The following RNF123 variants were observed in gnomAD, a reference collection of about 807,000 sequenced individuals.
RNF123 encodes the protein ring finger protein 123, also known as E3 ubiquitin-protein ligase RNF123.
Under a neutral mutation model 168.5 loss-of-function variants are expected in RNF123, and 86 were observed. That is an observed-to-expected ratio of 0.51 (90% CI 0.43 to 0.61). RNF123 has a LOEUF of 0.61. Ranked by LOEUF, RNF123 falls within the 20% of genes least tolerant of loss-of-function variation. The pLI is 0.00. For missense variants in RNF123, 1,419 were observed against 1,729.7 expected, an observed-to-expected ratio of 0.82 and a Z score of 3.19; for synonymous variants, 666 against 689.1, an observed-to-expected ratio of 0.97 and a Z score of 0.52.
chr3:49,715,790 G>A (rs892666412), intron 32 of RNF123, 32 bp from the exon 33 acceptor site: 7 of 1,613,732 alleles, frequency 4.3e-6, no homozygotes, highest in Non-Finnish European at 5.9e-6. Context: ...GCCAGGTGCT[G>A]ACCACTGCAT....
At chr3:49,702,480 T>G in intron 19 of RNF123, 75 bp downstream of exon 19, 1 of 1,598,506 alleles carries the variant, frequency 6.3e-7, no homozygotes, top group Non-Finnish European at 8.6e-7. Flanking sequence ...CACCTGGCAC[T>G]TCTCGGACTG....
Position 49,705,574 on chromosome 3 carries a change from G to T in RNF123, c.2199G>T (p.Arg733=), listed in dbSNP as rs994266619. ...SHWNEGLLLG[R]PPEEPEQPLT... ...GGAATGAGGGCTTGCTGCTGGGGCGGCCCCCCGAGGAGCCTGAGCAGCCCC... is the reference window on the plus strand; with the variant it reads ...GGAATGAGGGCTTGCTGCTGGGGCGTCCCCCCGAGGAGCCTGAGCAGCCCC... The change falls in exon 24 of 39, where the codon CGG becomes CGT. Residue 733 remains arginine (R), a synonymous_variant. Coordinates refer to ENST00000327697, the MANE Select transcript of RNF123 (RefSeq NM_022064.5). 4 of 1,608,892 alleles carry T rather than the reference G, an allele frequency of 2.5e-6. No homozygotes were observed. In the African/African-American group the frequency reaches 4.0e-5, roughly 16 times the overall value.
At chr3:49,719,400 G>A in intron 35 of RNF123, 1 of 1,613,668 alleles carries the variant, frequency 6.2e-7, no homozygotes, top group Non-Finnish European at 8.5e-7. Flanking sequence ...AACCCTCGGA[G>A]TCCGGGGTGC....
chr3:49,718,271 G>A (rs2080293246), intron 35 of RNF123: 3 of 1,612,796 alleles, frequency 1.9e-6, no homozygotes, highest in South Asian at 2.2e-5. Flanking sequence ...AGGTAGAGCA[G>A]CACGAGCACA....
In RNF123 at chr3:49,716,429, C is replaced by A. The variant is rs1326129409; in HGVS notation, c.3452C>A (p.Ala1151Glu). 4.3e-6 allele frequency: 7 copies of A among 1,614,064 alleles called. No individual in the cohort carries two copies. Among genetic ancestry groups the A allele is most frequent in the Non-Finnish European group, 5.9e-6 (7 of 1,179,996 alleles). The change falls in exon 35 of 39, where the codon GCA becomes GAA. Residue 1151 changes from alanine to glutamate, a missense_variant. Around this residue, in one of 5 missense-constraint regions of RNF123, gnomAD observed 164 missense variants for 152.3 expected, o/e 1.08. Coordinates refer to ENST00000327697, the MANE Select transcript of RNF123 (RefSeq NM_022064.5). Reference protein sequence around the residue: ...ESVDHYPILVAVTGILVQLLV... With the variant: ...ESVDHYPILVEVTGILVQLLV... The stretch of plus-strand genomic sequence containing the variant: ...GTGGACCACTATCCCATTCTGGTGG[C>A]AGTGACGGGCATCCTGGTGCAGCTC...
At chr3:49,720,452 G>A in intron 35 of RNF123, 59 bp from the exon 36 acceptor site, 1 of 1,493,756 alleles carries the variant, frequency 6.7e-7, no homozygotes, top group Non-Finnish European at 8.9e-7. Context: ...GCAATCCCAA[G>A]AGAGACTTTT....
chr3:49,704,512 G>A (rs899884685), intron 21 of RNF123, 138 bp from the exon 22 acceptor site: 57 of 656,614 alleles, frequency 8.7e-5, no homozygotes, highest in South Asian at 7.3e-4. Context: ...GCGGAGGGGC[G>A]AGGGGCAGAT....
chr3:49,719,005 T>C lies in RNF123; in HGVS notation c.3501-1506T>C, dbSNP rs371007145. 10 of 1,613,842 alleles carry C rather than the reference T, an allele frequency of 6.2e-6. No homozygotes were observed. The East Asian group carries it at 2.0e-4, about 32-fold the overall frequency. ...GAGATGGCTGAGCGCGCGCAGGCCGTGGAAGGCATGCTCGTCCAAGTGCAC... is the reference window on the plus strand; with the variant it reads ...GAGATGGCTGAGCGCGCGCAGGCCGCGGAAGGCATGCTCGTCCAAGTGCAC... On this transcript the variant is annotated intron_variant, in intron 35 of 38. Transcript: ENST00000327697.
chr3:49,699,408 T>C lies in RNF123; in HGVS notation c.765-60T>C, dbSNP rs2054330729. ...AGGCCCCGGGGTGGGGGGTGGGCAG[T>C]GGAGAGGGAGTAGGCATGTCTGAGC... is the stretch of plus-strand genomic sequence containing the variant. On this transcript the variant is annotated intron_variant, in intron 10 of 38. Transcript: ENST00000327697. This position sits in a 1 kb window ranked among gnomAD's most constrained non-coding sequence, Gnocchi z 4.8. The C allele has an allele frequency of 7.2e-7, 1 of 1,393,630 alleles. No homozygotes were observed. The highest frequency in any genetic ancestry group is 1.4e-5 in the African/African-American group (1 of 69,456). The allele number at this position is 1,393,630 out of a possible 1,614,324, so 86.3% of individuals were successfully genotyped here.
chr3:49,701,338 A>G (rs2054378436), intron 15 of RNF123, among the ~76,000 whole-genome samples, 153 bp from the exon 16 acceptor site: 1 of 152,202 alleles, frequency 6.6e-6, no homozygotes, highest in Non-Finnish European at 1.5e-5. Flanking sequence ...GTCAGGGAGC[A>G]TGCCCTGGGG....
intron 19 of RNF123, 82 bp from the exon 20 acceptor site, chr3:49,702,551 G>A (rs1477999926): frequency 1.6e-5 from 25 of 1,610,856 alleles, no homozygotes; most frequent in Non-Finnish European, 2.1e-5. Context: ...CTTAACCCTC[G>A]ACCCTCAGGC....
Position 49,704,720 on chromosome 3 carries a change from A to T in RNF123, c.1923A>T (p.Leu641=), listed in dbSNP as rs555444380. 1 of 1,596,344 alleles carries T rather than the reference A, an allele frequency of 6.3e-7. No homozygotes were observed. Among genetic ancestry groups the T allele is most frequent in the Non-Finnish European group, 8.5e-7 (1 of 1,171,478 alleles). The change falls in exon 22 of 39, where the codon CTA becomes CTT. Residue 641 remains leucine, a synonymous_variant. Coordinates refer to ENST00000327697, the MANE Select transcript of RNF123 (RefSeq NM_022064.5). ...TCCAGTCAACCGCCATGGATGACCT[A>T]GATGAGGATGAGGAGCCAGCCCCAG... ...LELQSTAMDD[L]DEDEEPAPAM...
intron 35 of RNF123, chr3:49,719,388 G>A (rs748201282): frequency 2.3e-5 from 37 of 1,613,606 alleles, no homozygotes; most frequent in Non-Finnish European, 3.1e-5. Context: ...CACGGGGCGG[G>A]AAACCCTCGG....
At chr3:49,711,210 C>T (rs2080139533) in intron 26 of RNF123, among the ~76,000 whole-genome samples, 3 of 152,214 alleles carry the variant, frequency 2.0e-5, no homozygotes, top group African/African-American at 7.2e-5. Flanking sequence ...GTATCACATA[C>T]CTGTAGGAGG....
At chr3:49,710,908 C>T (rs1356435104) in intron 26 of RNF123, among the ~76,000 whole-genome samples, 2 of 152,168 alleles carry the variant, frequency 1.3e-5, no homozygotes, top group East Asian at 3.8e-4. Flanking sequence ...TGCCTTCATT[C>T]TCTGCATCTT....
chr3:49,707,989 G>T (rs1222077509), intron 26 of RNF123, among the ~76,000 whole-genome samples: 1 of 151,816 alleles, frequency 6.6e-6, no homozygotes, highest in Non-Finnish European at 1.5e-5. Context: ...GTTTTGTTTT[G>T]TTTTGTGTTT....
At chr3:49,711,942 A>T (rs1255434463) in intron 26 of RNF123, among the ~76,000 whole-genome samples, 1 of 152,086 alleles carries the variant, frequency 6.6e-6, no homozygotes, top group African/African-American at 2.4e-5. Flanking sequence ...ACTTTTCCAC[A>T]CAGACTTCCA....
rs764199854 is a variant in RNF123, at chr3:49,720,562, C to T, written c.3552C>T (p.Arg1184=). Residue 1184 remains arginine (R), a synonymous_variant, in exon 36 of 39, where the codon CGC becomes CGT. Transcript: ENST00000327697. ...TGGCAGATCCCTGCTTCCAGCTACG[C>T]TCAATATGCTATCTCCTGGGACAGC... The part of the protein sequence containing the change: ...VLLADPCFQL[R]SICYLLGQPE... 4 of 1,611,654 alleles carry T rather than the reference C, an allele frequency of 2.5e-6. No individual in the cohort carries two copies. Among genetic ancestry groups the T allele is most frequent in the Non-Finnish European group, 3.4e-6 (4 of 1,178,610 alleles).
At chr3:49,704,616 A>G in intron 21 of RNF123, 34 bp from the exon 22 acceptor site, 1 of 1,573,344 alleles carries the variant, frequency 6.4e-7, no homozygotes, top group Non-Finnish European at 8.7e-7. Flanking sequence ...TTGCGCCACC[A>G]CTGGCCTGAG....
Sources: allele counts gnomAD v4.1 joint callset (sites outside exome capture counted in the v4.1 genomes callset), GRCh38; gene constraint gnomAD v4.1.1; regional missense constraint gnomAD v4.1.1; non-coding constraint Gnocchi (gnomAD v3.1); transcripts MANE v1.5; gene names NCBI Gene and HGNC (gene_info 2026-07-23, HGNC 2026-07-21).